RPS6KA2: variants seen among roughly 807,000 people sequenced by gnomAD.
RPS6KA2 encodes ribosomal protein S6 kinase alpha-2.
RPS6KA2 carries 42 observed loss-of-function variants against 91.8 expected under a neutral mutation model. That is an observed-to-expected ratio of 0.46 (90% CI 0.36 to 0.59). The LOEUF is 0.59. Ranked by LOEUF, RPS6KA2 falls within the 20% of genes least tolerant of loss-of-function variation. The pLI is 0.00. For missense variants in RPS6KA2, 798 were observed against 978.5 expected, an observed-to-expected ratio of 0.82 and a Z score of 2.46; for synonymous variants, 414 against 393.6, an observed-to-expected ratio of 1.05 and a Z score of -0.61.
chr6:166,766,946 G>A lies in RPS6KA2; in HGVS notation c.123+91254C>T, dbSNP rs376351307. 1.8e-4 allele frequency among the ~76,000 whole-genome samples: 28 copies of A among 152,298 alleles called. 1 individual carries two copies. Among genetic ancestry groups the A allele is most frequent in the African/African-American group, 6.0e-4 (25 of 41,572 alleles). ...AGCTGCGTGGCCCTGTGGGCCTAACGTGCCTCTCCTCCCTCGCCTTTGTTT... is the reference window on the plus strand; with the variant it reads ...AGCTGCGTGGCCCTGTGGGCCTAACATGCCTCTCCTCCCTCGCCTTTGTTT... On this transcript the variant is annotated intron_variant, in intron 2 of 21. Transcript: ENST00000503859.
At chr6:166,644,749 C>T (rs1787555777) in intron 2 of RPS6KA2, among the ~76,000 whole-genome samples, 1 of 152,218 alleles carries the variant, frequency 6.6e-6, no homozygotes, top group African/African-American at 2.4e-5. Flanking sequence ...GTCCTAACCC[C>T]TAGTACCTGT....
intron 1 of RPS6KA2, among the ~76,000 whole-genome samples, chr6:166,859,717 C>T (rs576711826): frequency 3.3e-5 from 5 of 152,272 alleles, no homozygotes; most frequent in African/African-American, 9.6e-5. Context: ...CAGTTCAGTT[C>T]GGTTCTCTCA....
rs563859361 is a variant in RPS6KA2, at chr6:166,748,364, C to T, written c.123+109836G>A. Among the ~76,000 whole-genome samples, 14 of 152,196 alleles carry T rather than the reference C, an allele frequency of 9.2e-5. No individual in the cohort carries two copies. In the East Asian group the frequency reaches 1.2e-3, roughly 13 times the overall value. ...AACTAACAAGTAATGGGTGTTTCTGCGGTGTCTTCCACCGGCAGAAACTCC... is the reference window on the plus strand; with the variant it reads ...AACTAACAAGTAATGGGTGTTTCTGTGGTGTCTTCCACCGGCAGAAACTCC... On this transcript the variant is annotated intron_variant, in intron 2 of 21. Transcript: ENST00000503859.
At chr6:166,593,897 A>G (rs1484121098) in intron 1 of RPS6KA2, among the ~76,000 whole-genome samples, 1 of 152,202 alleles carries the variant, frequency 6.6e-6, no homozygotes, top group Non-Finnish European at 1.5e-5. Context: ...GAGAGTAAAA[A>G]TCTCAGATAA....
chr6:166,729,932 A>G (rs774745673), intron 2 of RPS6KA2, among the ~76,000 whole-genome samples: 1 of 152,226 alleles, frequency 6.6e-6, no homozygotes, highest in Non-Finnish European at 1.5e-5. Context: ...GCTTCCCATG[A>G]GGAGAAGCAA....
intron 2 of RPS6KA2, among the ~76,000 whole-genome samples, chr6:166,652,223 A>G (rs1724341335): frequency 6.6e-6 from 1 of 152,112 alleles, no homozygotes; most frequent in Non-Finnish European, 1.5e-5. Context: ...TTCATTTGCT[A>G]TTGTTTTCTT....
At position 166,726,116 on chromosome 6, in the gene RPS6KA2, T is replaced by C. The variant is rs1456045347; in HGVS notation, c.123+132084A>G. ...AGGTCCTACAGAAATGCCCTTAGGC[T>C]ACAATATAGAAGATTTTTTTTTTTT... On this transcript the variant is annotated intron_variant, in intron 2 of 21. Transcript: ENST00000503859. This position sits in a 1 kb window ranked among gnomAD's most constrained non-coding sequence, Gnocchi z 4.4. 1.4e-5 allele frequency among the ~76,000 whole-genome samples: 2 copies of C among 143,926 alleles called. No homozygotes were observed. Among genetic ancestry groups the C allele is most frequent in the African/African-American group, 2.8e-5 (1 of 35,496 alleles). The allele number at this position is 143,926 out of a possible 152,430, so 94.4% of individuals were successfully genotyped here.
Position 166,558,149 on chromosome 6 carries a change from G to GGAGA in RPS6KA2, c.100-19369_100-19366dup, listed in dbSNP as rs71299768. On this transcript the variant is annotated intron_variant, in intron 1 of 20. Transcript: ENST00000265678. ...GTGTGTATTACATCTATGTATGTGG[G>GGAGA]GAGAGAGAGAGAGAGAGAGAGAATG... is the stretch of plus-strand genomic sequence containing the variant. Among the ~76,000 whole-genome samples the GGAGA allele has an allele frequency of 5.9e-4, 89 of 149,716 alleles. No homozygotes were observed. The South Asian group carries it at 7.4e-3, about 13-fold the overall frequency.
intron 1 of RPS6KA2, chr6:166,861,988 C>G: frequency 7.6e-7 from 1 of 1,317,452 alleles, no homozygotes; most frequent in Non-Finnish European, 1.1e-6. Flanking sequence ...ATAGCCAACT[C>G]TCTGACCCAT....
intron 2 of RPS6KA2, among the ~76,000 whole-genome samples, chr6:166,721,872 C>G (rs1479733529): frequency 2.6e-5 from 4 of 151,320 alleles, no homozygotes; most frequent in Non-Finnish European, 5.9e-5. Context: ...CAGCCTCGGC[C>G]CCGGATCCAG....
At chr6:166,719,151 C>T (rs940784405) in intron 2 of RPS6KA2, among the ~76,000 whole-genome samples, 9 of 152,182 alleles carry the variant, frequency 5.9e-5, no homozygotes, top group African/African-American at 2.2e-4. Context: ...TGCATGGCTG[C>T]GTTCTTAGAA....
chr6:166,491,673 C>T (rs1781591493), intron 8 of RPS6KA2, among the ~76,000 whole-genome samples: 1 of 152,076 alleles, frequency 6.6e-6, no homozygotes, highest in Admixed American at 6.5e-5. Flanking sequence ...GTGTCTCTGC[C>T]CTTTTAGAAT....
intron 19 of RPS6KA2, among the ~76,000 whole-genome samples, chr6:166,416,482 C>T (rs551454696): frequency 3.3e-5 from 5 of 152,106 alleles, no homozygotes; most frequent in African/African-American, 7.2e-5. Context: ...CCACTCCCAC[C>T]GTCACCTCCA....
At chr6:166,483,610 A>G (rs1463047977) in intron 10 of RPS6KA2, among the ~76,000 whole-genome samples, 4 of 152,264 alleles carry the variant, frequency 2.6e-5, no homozygotes, top group Non-Finnish European at 1.5e-5. Context: ...TTTTAAGATT[A>G]AGGGTAAATC....
At chr6:166,680,779 C>T (rs1455636397) in intron 2 of RPS6KA2, among the ~76,000 whole-genome samples, 10 of 152,198 alleles carry the variant, frequency 6.6e-5, no homozygotes, top group Non-Finnish European at 1.2e-4. Flanking sequence ...AACTGTAACA[C>T]TCATCACTAG....
intron 2 of RPS6KA2, among the ~76,000 whole-genome samples, chr6:166,818,380 T>C (rs1779823654): frequency 1.3e-5 from 2 of 152,148 alleles, no homozygotes; most frequent in East Asian, 1.9e-4. Context: ...TGTCTCCTCA[T>C]GTTAGAATCA....
In RPS6KA2 at chr6:166,448,907, A is replaced by C. The variant is rs1583147965; in HGVS notation, c.1207-58T>G. 2.5e-6 allele frequency: 4 copies of C among 1,595,752 alleles called. No homozygotes were observed. In the East Asian group the frequency reaches 6.7e-5, roughly 27 times the overall value. ...GAACCCTCACACGAGGGGACGGTGC[A>C]GCTACACGCACACAGAATGTGGGGC... On this transcript the variant is annotated intron_variant, in intron 13 of 20. Transcript: ENST00000265678. This position sits in a 1 kb window ranked among gnomAD's most constrained non-coding sequence, Gnocchi z 4.7.
intron 19 of RPS6KA2, among the ~76,000 whole-genome samples, chr6:166,417,377 G>A (rs1017191441): frequency 6.6e-6 from 1 of 152,160 alleles, no homozygotes; most frequent in South Asian, 2.1e-4. Context: ...TAAGTCAGTC[G>A]ACTTGAGTAA....
intron 3 of RPS6KA2, among the ~76,000 whole-genome samples, chr6:166,519,323 T>C (rs185652110): frequency 6.6e-6 from 1 of 152,344 alleles, no homozygotes; most frequent in Admixed American, 6.5e-5. Flanking sequence ...AACAGGTTAG[T>C]CTGGAGTTGA....
Sources: allele counts gnomAD v4.1 joint callset (sites outside exome capture counted in the v4.1 genomes callset), GRCh38; gene constraint gnomAD v4.1.1; non-coding constraint Gnocchi (gnomAD v3.1); transcripts MANE v1.5; gene names NCBI Gene and HGNC (gene_info 2026-07-23, HGNC 2026-07-21).